Variants in THY1 observed in about 807,000 individuals in gnomAD.
THY1 encodes Thy-1 cell surface antigen.
Under a neutral mutation model 14.9 loss-of-function variants are expected in THY1, and 10 were observed. The observed-to-expected ratio is 0.67, with a 90% CI of 0.41 to 1.14. The LOEUF (loss-of-function observed/expected upper bound fraction) is 1.14, where lower values mean the gene tolerates loss of function less well. THY1 is among the 50% of genes most tolerant of loss of function. The probability of loss-of-function intolerance (pLI) is 0.00; values close to 1 mark genes in which losing one functional copy is unlikely to be tolerated. For synonymous variants in THY1, 80 were observed against 90.0 expected (o/e 0.89, Z 0.63); for missense variants, 159 against 202.1 (o/e 0.79, Z 1.29).
At chr11:119,421,155 C>T (rs1367955205) in intron 1 of THY1, 3 of 468,984 alleles carry the variant, frequency 6.4e-6, no homozygotes, top group African/African-American at 3.9e-5. Context: ...TGTGTTTCTG[C>T]GCTTGGCCAT....
Position 119,422,274 on chromosome 11 carries a change from G to A in THY1, c.-25+839C>T, listed in dbSNP as rs1861921322. ...GAAGGGGGGTCGGCATCTGGCTTTTGAATCGAGGACTCTTGTTTGAGATGT... is the reference window on the plus strand; with the variant it reads ...GAAGGGGGGTCGGCATCTGGCTTTTAAATCGAGGACTCTTGTTTGAGATGT... On this transcript the variant is annotated intron_variant, in intron 1 of 3. Coordinates refer to ENST00000284240, the MANE Select transcript of THY1 (RefSeq NM_006288.5). This position sits in a 1 kb window ranked among gnomAD's most constrained non-coding sequence, Gnocchi z 7.0. The A allele has an allele frequency of 6.6e-6, 1 of 152,414 alleles. No individual in the cohort carries two copies. The allele number at this position is 152,414 out of a possible 1,614,324, so 9.4% of individuals were successfully genotyped here.
chr11:119,420,352 G>A lies in THY1; in HGVS notation c.72C>T (p.Ser24=), dbSNP rs773332877. The A allele has an allele frequency of 2.5e-6, 4 of 1,613,854 alleles. No homozygotes were observed. The highest frequency in any genetic ancestry group is 1.6e-4 in the Middle Eastern group (1 of 6,062). Residue 24 remains serine, a synonymous_variant, in exon 3 of 4, where the codon AGC becomes AGT. Transcript: ENST00000284240. The part of the protein sequence containing the change: ...LQVSRGQKVT[S]LTACLVDQSL... Reference sequence around the variant, plus strand: ...TCTGGTCCACTAGGCAGGCCGTTAGGCTGGTCACCTTCTGCCCTCGGGAGA... The same window carrying A: ...TCTGGTCCACTAGGCAGGCCGTTAGACTGGTCACCTTCTGCCCTCGGGAGA...
upstream of THY1, chr11:119,424,929 T>C (rs1156737374): frequency 1.3e-5 from 2 of 152,262 alleles, no homozygotes; most frequent in East Asian, 3.9e-4. Flanking sequence ...GGCTCTGGCT[T>C]CTGTCTGCCT....
intron 1 of THY1, 132 bp from the exon 2 acceptor site, chr11:119,421,061 T>A: frequency 1.4e-6 from 1 of 734,256 alleles, no homozygotes; most frequent in Non-Finnish European, 2.3e-6. Context: ...CTCTCGTCCC[T>A]GCATCTCACT....
rs1861840921 is a variant in THY1, at chr11:119,419,173, A to T, written c.*235T>A. On this transcript the variant is annotated 3_prime_UTR_variant, in exon 4 of 4. Transcript: ENST00000284240. ...ATAAAACCTAAATAAACCAGACAGA[A>T]GCAGCTCTGGAACAAAAAGTACAAA... The T allele has an allele frequency of 3.6e-6, 2 of 558,340 alleles. No homozygotes were observed. The highest frequency in any genetic ancestry group is 6.7e-6 in the Non-Finnish European group (2 of 300,728). The allele number at this position is 558,340 out of a possible 1,614,324, so 34.6% of individuals were successfully genotyped here.
At chr11:119,424,467 A>G (rs1184145955), upstream of THY1, among the ~76,000 whole-genome samples, 4 of 152,148 alleles carry the variant, frequency 2.6e-5, no homozygotes, top group Admixed American at 2.6e-4. Context: ...AGTTTCTGAT[A>G]CTGCAGTGGC....
At position 119,422,619 on chromosome 11, in the gene THY1, C is replaced by A; in HGVS notation, c.-25+494G>T. On this transcript the variant is annotated intron_variant, in intron 1 of 3. Coordinates refer to ENST00000284240, the MANE Select transcript of THY1 (RefSeq NM_006288.5). This position sits in a 1 kb window ranked among gnomAD's most constrained non-coding sequence, Gnocchi z 7.0. ...CCAGCTCTCCCCTCCCCCGTCCGCC[C>A]GCCTTCCACCCAGTCCCCGCCTGCG... is the stretch of plus-strand genomic sequence containing the variant. 1 of 200,754 alleles carries A rather than the reference C, an allele frequency of 5.0e-6. No individual in the cohort carries two copies. 12.4% of individuals were successfully genotyped at this position (200,754 alleles called of 1,614,324 possible). A position where few individuals can be genotyped will look rare whatever the true frequency, so the allele number is the denominator to read the frequency against.
intron 2 of THY1, 124 bp downstream of exon 2, chr11:119,420,745 C>T: frequency 8.1e-7 from 1 of 1,232,444 alleles, no homozygotes; most frequent in Non-Finnish European, 1.2e-6. Context: ...TGGCTGACTT[C>T]AGGATGAAAA....
chr11:119,420,174 A>AT lies in THY1; in HGVS notation c.249dup (p.Tyr84IlefsTer13), dbSNP rs1312598056. The AT allele has an allele frequency of 1.9e-6, 3 of 1,614,032 alleles. No homozygotes were observed. The Admixed American group carries it at 5.0e-5, about 27-fold the overall frequency. On this transcript the variant is annotated frameshift_variant, in exon 3 of 4. Coordinates refer to ENST00000284240, the MANE Select transcript of THY1 (RefSeq NM_006288.5). LOFTEE classifies it high-confidence loss of function. ...GATAAGTAGAGGACCTTCATGTTGT[A>AT]TTTGCTGGTGAAGTTGGTTCGGGAG...
In THY1 at chr11:119,420,865, G is replaced by C. The variant is rs926921220; in HGVS notation, c.37+4C>G. On this transcript the variant is annotated splice_donor_region_variant and intron_variant, in intron 2 of 3. Transcript: ENST00000284240. ...GAGCCCCAGTCCTGCCCCATGCCGG[G>C]TACCTGTTAGCAGGAGAGCGATGCT... 1.2e-6 allele frequency: 2 copies of C among 1,614,162 alleles called. No homozygotes were observed. The highest frequency in any genetic ancestry group is 1.1e-5 in the South Asian group (1 of 91,084).
At position 119,422,737 on chromosome 11, in the gene THY1, T is replaced by A. The variant is rs2135438200; in HGVS notation, c.-25+376A>T. Among the ~76,000 whole-genome samples the A allele has an allele frequency of 6.6e-6, 1 of 151,934 alleles. No homozygotes were observed. The highest frequency in any genetic ancestry group is 6.5e-5 in the Admixed American group (1 of 15,268). ...CTCTAGCTCGCCATCCTCCATCCTC[T>A]CCCCGCAGTTTCATCCGTCCTCCTC... is the stretch of plus-strand genomic sequence containing the variant. On this transcript the variant is annotated intron_variant, in intron 1 of 3. Transcript: ENST00000284240. The surrounding 1 kb of genome is among the most constrained non-coding windows in gnomAD (Gnocchi z 7.0).
chr11:119,423,271 A>G, upstream of THY1: 2 of 271,134 alleles, frequency 7.4e-6, no homozygotes, highest in Non-Finnish European at 1.5e-5. Flanking sequence ...TGGGGGAGAA[A>G]GGACGGCAGG....
At chr11:119,419,998 TC>T in intron 3 of THY1, 52 bp downstream of exon 3, 1 of 1,555,182 alleles carries the variant, frequency 6.4e-7, no homozygotes, top group Non-Finnish European at 8.7e-7. Context: ...CTGCCTGCTG[TC>T]CCCGAGCCTG....
chr11:119,418,970 C>A lies in THY1; in HGVS notation c.*438G>T. The A allele has an allele frequency of 3.3e-6, 1 of 303,434 alleles. No homozygotes were observed. The highest frequency in any genetic ancestry group is 6.5e-6 in the Non-Finnish European group (1 of 154,592). The allele number at this position is 303,434 out of a possible 1,614,324, so 18.8% of individuals were successfully genotyped here. On this transcript the variant is annotated 3_prime_UTR_variant, in exon 4 of 4. Transcript: ENST00000284240. The stretch of plus-strand genomic sequence containing the variant: ...GGACAGACCATGTCCGTGCTAGGCC[C>A]AGGCACAGCCCAACCACTCCTCATC...
chr11:119,419,877 C>T lies in THY1; in HGVS notation c.373+174G>A, dbSNP rs1366044805. 2.4e-5 allele frequency: 18 copies of T among 742,636 alleles called. No homozygotes were observed. In the East Asian group the frequency reaches 4.9e-4, roughly 20 times the overall value. 46.0% of individuals were successfully genotyped at this position (742,636 alleles called of 1,614,324 possible). A position where few individuals can be genotyped will look rare whatever the true frequency, so the allele number is the denominator to read the frequency against. The stretch of plus-strand genomic sequence containing the variant: ...ACTGCTCTGCCTGTCTGGCCCTGAG[C>T]TCTTCACCCCATTCACACCGAAGGC... On this transcript the variant is annotated intron_variant, in intron 3 of 3. Transcript: ENST00000284240.
intron 2 of THY1, 58 bp from the exon 3 acceptor site, chr11:119,420,444 C>T (rs1861877796): frequency 1.3e-6 from 2 of 1,491,354 alleles, no homozygotes; most frequent in South Asian, 2.6e-5. Context: ...GGGCCTCCCA[C>T]CCACCTGAAG....
upstream of THY1, chr11:119,423,741 C>T (rs184287978): frequency 3.0e-3 from 462 of 155,024 alleles, 3 homozygotes; most frequent in African/African-American, 0.011. Flanking sequence ...CGTCCCTGGT[C>T]CCCAGCCCCA....
Position 119,420,233 on chromosome 11 carries a change from A to G in THY1, c.191T>C (p.Phe64Ser). The G allele has an allele frequency of 6.2e-7, 1 of 1,614,262 alleles. No homozygotes were observed. The highest frequency in any genetic ancestry group is 8.5e-7 in the Non-Finnish European group (1 of 1,180,044). The change falls in exon 3 of 4, where the codon TTT (phenylalanine) becomes TCT (serine). Residue 64 changes from phenylalanine (F) to serine (S), a missense_variant. Physicochemically the swap from Phe to Ser is radical, Grantham distance 155 (BLOSUM62 -2). Coordinates refer to ENST00000284240, the MANE Select transcript of THY1 (RefSeq NM_006288.5). ...LTRETKKHVLFGTVGVPEHTY... is the reference protein window; with the variant it reads ...LTRETKKHVLSGTVGVPEHTY... ...GTGCTCAGGCACCCCCACAGTGCCA[A>G]AGAGCACGTGCTTCTTTGTCTCACG... is the stretch of plus-strand genomic sequence containing the variant.
rs867062869 is a variant in THY1, at chr11:119,420,553, C to T, written c.38-167G>A. 33 of 680,820 alleles carry T rather than the reference C, an allele frequency of 4.8e-5. No homozygotes were observed. The Middle Eastern group carries it at 1.2e-3, about 26-fold the overall frequency. 42.2% of individuals were successfully genotyped at this position (680,820 alleles called of 1,614,324 possible). A position where few individuals can be genotyped will look rare whatever the true frequency, so the allele number is the denominator to read the frequency against. On this transcript the variant is annotated intron_variant, in intron 2 of 3. Coordinates refer to ENST00000284240, the MANE Select transcript of THY1 (RefSeq NM_006288.5). ...ACTTCTCCTTTGCAGACCCCAGCCT[C>T]CCTCCCCACTCTGCTTGAGCCTTGG...
Sources: gnomAD v4.1 joint callset for allele counts (sites outside exome capture counted in the v4.1 genomes callset) on GRCh38, gnomAD v4.1.1 for gene constraint, Gnocchi (gnomAD v3.1) non-coding constraint, MANE v1.5 for transcripts, NCBI Gene and HGNC (gene_info 2026-07-23, HGNC 2026-07-21) for gene names.